Variants in TENM3 observed in about 807,000 individuals in gnomAD.
TENM3 encodes the protein teneurin-3.
Under a neutral mutation model 255.1 loss-of-function variants are expected in TENM3, and 63 were observed. The observed-to-expected ratio is 0.25, with a 90% CI of 0.20 to 0.30. The LOEUF is 0.30. TENM3 is among the 10% of genes least tolerant of loss of function. TENM3 has a pLI of 1.00. For synonymous variants in TENM3, 1,306 were observed against 1,322.3 expected (o/e 0.99, Z 0.27); for missense variants, 2,929 against 3,461.1 (o/e 0.85, Z 3.86).
the TENM3 span, among the ~76,000 whole-genome samples, chr4:181,660,462 G>T: frequency 6.6e-6 from 1 of 152,048 alleles, no homozygotes; most frequent in African/African-American, 2.4e-5. Flanking sequence ...TGAGAAAATT[G>T]AGGCAAAGTT....
intron 3 of TENM3, among the ~76,000 whole-genome samples, chr4:182,358,201 G>C (rs1012237169): frequency 2.6e-4 from 39 of 149,686 alleles, no homozygotes; most frequent in African/African-American, 4.9e-4. Context: ...GGCGATGCGG[G>C]CTCTTTTTTG....
At chr4:181,748,383 C>T in the TENM3 span, among the ~76,000 whole-genome samples, 1 of 152,046 alleles carries the variant, frequency 6.6e-6, no homozygotes, top group Non-Finnish European at 1.5e-5. Flanking sequence ...CACAAGTACA[C>T]ACACCTATAC....
intron 2 of TENM3, 108 bp downstream of exon 2, chr4:182,324,360 T>C (rs1763259855): frequency 1.3e-6 from 1 of 784,390 alleles, no homozygotes; most frequent in African/African-American, 1.7e-5. Flanking sequence ...TGGCGTTCCA[T>C]CTGCTGATTC....
the TENM3 span, among the ~76,000 whole-genome samples, chr4:181,487,364 C>T: frequency 2.0e-5 from 3 of 152,104 alleles, no homozygotes; most frequent in African/African-American, 7.2e-5. Flanking sequence ...AACAAAATAC[C>T]ATAGACTGCA....
At chr4:181,723,739 G>T in the TENM3 span, among the ~76,000 whole-genome samples, 1 of 151,818 alleles carries the variant, frequency 6.6e-6, no homozygotes, top group Non-Finnish European at 1.5e-5. Context: ...TTTATCTAGT[G>T]GGCAGAGAAC....
chr4:181,968,988 C>CTATATATA, the TENM3 span, among the ~76,000 whole-genome samples: 14 of 107,682 alleles, frequency 1.3e-4, no homozygotes, highest in South Asian at 3.8e-3. Context: ...CTCTCTCTCT[C>CTATATATA]TCTCTATATA....
At chr4:182,680,381 T>C (rs370482783) in intron 9 of TENM3, 32 bp downstream of exon 9, 35 of 1,483,234 alleles carry the variant, frequency 2.4e-5, no homozygotes, top group Non-Finnish European at 3.1e-5. Flanking sequence ...CTTAAGCCGA[T>C]ATAAATAAGC....
the TENM3 span, among the ~76,000 whole-genome samples, chr4:181,655,468 C>A: frequency 6.6e-6 from 1 of 151,804 alleles, no homozygotes; most frequent in African/African-American, 2.4e-5. Context: ...TCATGCAAGG[C>A]AATGGGGGAA....
chr4:182,528,815 T>C (rs1739487954), intron 3 of TENM3, among the ~76,000 whole-genome samples: 1 of 152,156 alleles, frequency 6.6e-6, no homozygotes, highest in Admixed American at 6.5e-5. Flanking sequence ...AGCAAAAATA[T>C]CTCATAATGT....
intron 3 of TENM3, among the ~76,000 whole-genome samples, chr4:182,505,635 C>G (rs1195942848): frequency 1.3e-5 from 2 of 152,020 alleles, no homozygotes; most frequent in African/African-American, 4.8e-5. Flanking sequence ...CCCACTACCA[C>G]GCCCGGCTAT....
the TENM3 span, among the ~76,000 whole-genome samples, chr4:181,875,674 T>C: frequency 4.9e-3 from 744 of 152,316 alleles, 5 homozygotes; most frequent in African/African-American, 0.017. Context: ...ATTTCCTGCA[T>C]GGACTCTACG....
At chr4:182,729,936 C>G (rs553056083) in intron 14 of TENM3, among the ~76,000 whole-genome samples, 1 of 152,244 alleles carries the variant, frequency 6.6e-6, no homozygotes, top group African/African-American at 2.4e-5. Context: ...AAATTCATCT[C>G]TAAATTATTA....
At chr4:182,601,755 G>A (rs992020734) in intron 4 of TENM3, among the ~76,000 whole-genome samples, 4 of 152,142 alleles carry the variant, frequency 2.6e-5, no homozygotes, top group African/African-American at 9.7e-5. Flanking sequence ...GTTCTATTAG[G>A]AAGTTTTTCC....
At chr4:182,551,922 G>A (rs1041907441) in intron 3 of TENM3, among the ~76,000 whole-genome samples, 2 of 151,908 alleles carry the variant, frequency 1.3e-5, no homozygotes, top group African/African-American at 4.8e-5. Flanking sequence ...GGAGGCTGAG[G>A]CAGGAGGATT....
intron 1 of TENM3, among the ~76,000 whole-genome samples, chr4:182,189,551 T>TG (rs1753381042): frequency 6.6e-6 from 1 of 152,136 alleles, no homozygotes; most frequent in South Asian, 2.1e-4. Flanking sequence ...AAGACTGATG[T>TG]GGGGCGCGGC....
At chr4:182,757,572 G>A (rs1171355921) in intron 22 of TENM3, among the ~76,000 whole-genome samples, 1 of 152,136 alleles carries the variant, frequency 6.6e-6, no homozygotes, top group African/African-American at 2.4e-5. Flanking sequence ...TTTTAATCAA[G>A]TTTGGAAAAT....
At chr4:182,547,853 A>C (rs1213335705) in intron 3 of TENM3, among the ~76,000 whole-genome samples, 1 of 152,196 alleles carries the variant, frequency 6.6e-6, no homozygotes, top group East Asian at 1.9e-4. Context: ...CATGGAGAAG[A>C]AATAAATGCT....
chr4:182,080,141 C>A, the TENM3 span, among the ~76,000 whole-genome samples: 1 of 152,136 alleles, frequency 6.6e-6, no homozygotes, highest in Non-Finnish European at 1.5e-5. Flanking sequence ...TATGCTGATC[C>A]TCGATCACCT....
the TENM3 span, among the ~76,000 whole-genome samples, chr4:181,556,157 A>G: frequency 6.6e-6 from 1 of 152,214 alleles, no homozygotes; most frequent in African/African-American, 2.4e-5. Context: ...GTTGGTTGGT[A>G]ATAATCCAAG....
Sources: allele counts gnomAD v4.1 joint callset (sites outside exome capture counted in the v4.1 genomes callset), GRCh38; gene constraint gnomAD v4.1.1; transcripts MANE v1.5; gene names NCBI Gene and HGNC (gene_info 2026-07-23, HGNC 2026-07-21).